The following PRKAR2A variants were observed in gnomAD, a reference collection of about 807,000 sequenced individuals.
PRKAR2A encodes the protein cAMP-dependent protein kinase type II-alpha regulatory subunit.
PRKAR2A carries 29 observed loss-of-function variants against 51.9 expected under a neutral mutation model. The observed-to-expected ratio is 0.56, with a 90% confidence interval of 0.42 to 0.76. The LOEUF is 0.76. Ranked by LOEUF, PRKAR2A falls within the 30% of genes least tolerant of loss-of-function variation. The pLI is 0.00. For missense variants in PRKAR2A, 445 were observed against 512.1 expected, an observed-to-expected ratio of 0.87 and a Z score of 1.26; for synonymous variants, 178 against 186.2, an observed-to-expected ratio of 0.96 and a Z score of 0.36.
intron 1 of PRKAR2A, among the ~76,000 whole-genome samples, chr3:48,812,441 C>T (rs2082789515): frequency 6.6e-6 from 1 of 151,458 alleles, no homozygotes; most frequent in Non-Finnish European, 1.5e-5. Flanking sequence ...TAATTTACCA[C>T]ATCCTTTATT....
intron 5 of PRKAR2A, among the ~76,000 whole-genome samples, chr3:48,773,339 C>CTTTTTTT (rs34140561): frequency 4.1e-4 from 36 of 87,662 alleles, no homozygotes; most frequent in African/African-American, 8.9e-4. Context: ...ATTTTCTTTT[C>CTTTTTTT]TTTTTTTTTT....
At chr3:48,808,771 C>A (rs1299034521) in intron 1 of PRKAR2A, among the ~76,000 whole-genome samples, 1 of 126,818 alleles carries the variant, frequency 7.9e-6, no homozygotes, top group Non-Finnish European at 1.6e-5. Flanking sequence ...CCCACCTTGG[C>A]CTCCCAAAGT....
chr3:48,751,696 C>T lies in PRKAR2A; in HGVS notation c.1104G>A (p.Glu368=). The change falls in exon 11 of 11, where the codon GAG becomes GAA. Residue 368 remains glutamate, a synonymous_variant. Transcript: ENST00000265563. ...KCLVMDVQAF[E]RLLGPCMDIM... is the part of the protein sequence containing the mutation. ...TGTCCATGCAGGGCCCCAGAAGCCT[C>T]TCGAATGCTTGTACATCCATAACTG... 6.2e-7 allele frequency: 1 copy of T among 1,613,386 alleles called. No homozygotes were observed. The highest frequency in any genetic ancestry group is 8.5e-7 in the Non-Finnish European group (1 of 1,179,386).
At chr3:48,816,112 C>A (rs1455821345) in intron 1 of PRKAR2A, among the ~76,000 whole-genome samples, 1 of 151,778 alleles carries the variant, frequency 6.6e-6, no homozygotes, top group Non-Finnish European at 1.5e-5. Context: ...CTGTTCCCAT[C>A]TGACCATCTA....
Position 48,782,994 on chromosome 3 carries a change from G to T in PRKAR2A, c.534C>A (p.Val178=). The T allele has an allele frequency of 6.2e-7, 1 of 1,604,704 alleles. No homozygotes were observed. The highest frequency in any genetic ancestry group is 1.1e-5 in the South Asian group (1 of 90,850). Residue 178 remains valine, a synonymous_variant, in exon 5 of 11, where the codon GTC becomes GTA. Transcript: ENST00000265563. ...AAAGCTCCATCTCCTACCGTTCTAT[G>T]ACATAAAAGTTGTCTCCATCATCTC... The part of the protein sequence containing the change: ...DQGDDGDNFY[V]IERGTYDILV...
chr3:48,839,150 T>C (rs2083336478), intron 1 of PRKAR2A, among the ~76,000 whole-genome samples: 1 of 151,918 alleles, frequency 6.6e-6, no homozygotes, highest in African/African-American at 2.4e-5. Flanking sequence ...TAGCCGGGCG[T>C]GGTGACACGC....
At chr3:48,775,416 C>T (rs913475079) in intron 5 of PRKAR2A, among the ~76,000 whole-genome samples, 2 of 150,750 alleles carry the variant, frequency 1.3e-5, no homozygotes, top group East Asian at 2.0e-4. Context: ...CCAGCCTGGG[C>T]GACAGAACGA....
intron 2 of PRKAR2A, among the ~76,000 whole-genome samples, chr3:48,800,798 C>T (rs909200098): frequency 2.2e-4 from 33 of 151,960 alleles, no homozygotes; most frequent in Admixed American, 5.9e-4. Flanking sequence ...CTCAGCCTCC[C>T]GAGTAGCTGG....
intron 1 of PRKAR2A, among the ~76,000 whole-genome samples, chr3:48,841,992 A>G (rs2083388326): frequency 6.6e-6 from 1 of 152,188 alleles, no homozygotes; most frequent in African/African-American, 2.4e-5. Flanking sequence ...TGAATTATAA[A>G]TTACCTTGGA....
intron 1 of PRKAR2A, among the ~76,000 whole-genome samples, chr3:48,843,678 T>G (rs1213741306): frequency 1.8e-4 from 27 of 151,648 alleles, no homozygotes; most frequent in Admixed American, 4.6e-4. Context: ...CAGAAATAAC[T>G]CCGCATATCT....
chr3:48,795,629 C>G (rs555134319), intron 2 of PRKAR2A, among the ~76,000 whole-genome samples: 1 of 152,300 alleles, frequency 6.6e-6, no homozygotes, highest in South Asian at 2.1e-4. Flanking sequence ...CTCCACCTCC[C>G]TGTTTCAAGT....
At chr3:48,812,944 G>A (rs530667292) in intron 1 of PRKAR2A, among the ~76,000 whole-genome samples, 2 of 152,200 alleles carry the variant, frequency 1.3e-5, no homozygotes, top group Admixed American at 1.3e-4. Flanking sequence ...TTAGTCACAT[G>A]GTCAAATTAG....
intron 6 of PRKAR2A, among the ~76,000 whole-genome samples, chr3:48,767,597 C>T (rs1157478246): frequency 6.6e-6 from 1 of 152,010 alleles, no homozygotes; most frequent in African/African-American, 2.4e-5. Context: ...CAAGACCAGC[C>T]TGGGCAACAC....
At chr3:48,745,098 C>T (rs1300052846), downstream of PRKAR2A, among the ~76,000 whole-genome samples, 1 of 151,792 alleles carries the variant, frequency 6.6e-6, no homozygotes, top group Non-Finnish European at 1.5e-5. Flanking sequence ...TGGTTTTAAA[C>T]TCCTGACCTC....
Position 48,782,989 on chromosome 3 carries a change from TCTA to T in PRKAR2A, c.536_538del (p.Ile179_Glu180delinsLys). Reference sequence around the variant, plus strand: ...ATTTCAAAGCTCCATCTCCTACCGTTCTATGACATAAAAGTTGTCTCCATCATC... The same window carrying T: ...ATTTCAAAGCTCCATCTCCTACCGTTTGACATAAAAGTTGTCTCCATCATC... On this transcript the variant is annotated inframe_deletion, in exon 5 of 11. Coordinates refer to ENST00000265563, the MANE Select transcript of PRKAR2A (RefSeq NM_004157.4). 6.3e-7 allele frequency: 1 copy of T among 1,599,162 alleles called. No individual in the cohort carries two copies. The highest frequency in any genetic ancestry group is 8.6e-7 in the Non-Finnish European group (1 of 1,166,422).
intron 1 of PRKAR2A, among the ~76,000 whole-genome samples, chr3:48,835,247 A>G (rs1019703993): frequency 2.6e-5 from 4 of 151,840 alleles, no homozygotes; most frequent in East Asian, 3.9e-4. Flanking sequence ...CTGGGATTAC[A>G]GGCGTGAGCC....
At chr3:48,787,178 T>G (rs1181367890) in intron 4 of PRKAR2A, among the ~76,000 whole-genome samples, 2 of 151,052 alleles carry the variant, frequency 1.3e-5, no homozygotes, top group African/African-American at 2.4e-5. Flanking sequence ...ATTTATTTAT[T>G]TATTTATTTA....
chr3:48,752,403 C>T (rs2081665417), intron 9 of PRKAR2A, 86 bp from the exon 10 acceptor site: 2 of 1,372,026 alleles, frequency 1.5e-6, no homozygotes, highest in Non-Finnish European at 2.0e-6. Context: ...CTGTTCTCAG[C>T]ATACTCTACA....
At position 48,846,612 on chromosome 3, in the gene PRKAR2A, G is replaced by A. The variant is rs149455619; in HGVS notation, c.262+723C>T. Among the ~76,000 whole-genome samples the A allele has an allele frequency of 6.4e-4, 98 of 152,330 alleles. 2 individuals are homozygous for A. The East Asian group carries it at 0.019, about 29-fold the overall frequency. On this transcript the variant is annotated intron_variant, in intron 1 of 10. Coordinates refer to ENST00000265563, the MANE Select transcript of PRKAR2A (RefSeq NM_004157.4). Reference sequence around the variant, plus strand: ...AGCGATATTTCCTCCTCAGCCTCCAGAGTAGCTGGTATAGACTATAGGGGC... The same window carrying A: ...AGCGATATTTCCTCCTCAGCCTCCAAAGTAGCTGGTATAGACTATAGGGGC...
Sources: gnomAD v4.1 joint callset for allele counts (sites outside exome capture counted in the v4.1 genomes callset) on GRCh38, gnomAD v4.1.1 for gene constraint, MANE v1.5 for transcripts, NCBI Gene and HGNC (gene_info 2026-07-23, HGNC 2026-07-21) for gene names.